HPSE2: variants seen among roughly 807,000 people sequenced by gnomAD.
HPSE2 encodes inactive heparanase-2.
A neutral mutation model predicts 60.5 loss-of-function variants in HPSE2; 38 were observed. The ratio of observed to expected loss-of-function variants is 0.63; its 90% CI spans 0.48 to 0.82. The LOEUF is 0.82. HPSE2 is among the 40% of genes least tolerant of loss of function. HPSE2 has a pLI of 0.00. For synonymous variants in HPSE2, 295 were observed against 293.2 expected, an observed-to-expected ratio of 1.01 and a Z score of -0.06; for missense variants, 713 against 740.4, an observed-to-expected ratio of 0.96 and a Z score of 0.43.
chr10:99,253,367 A>G, the HPSE2 span, among the ~76,000 whole-genome samples: 435 of 152,316 alleles, frequency 2.9e-3, 3 homozygotes, highest in African/African-American at 1.0e-2. Flanking sequence ...AAAGTTAACA[A>G]CAACAAAAAA....
intron 3 of HPSE2, among the ~76,000 whole-genome samples, chr10:99,071,197 G>A (rs1447006825): frequency 6.6e-6 from 1 of 151,342 alleles, no homozygotes; most frequent in Non-Finnish European, 1.5e-5. Context: ...AGCCTCCTGA[G>A]TATCTGGGAT....
intron 9 of HPSE2, among the ~76,000 whole-genome samples, chr10:98,610,083 C>T (rs536992601): frequency 6.6e-5 from 10 of 152,150 alleles, no homozygotes; most frequent in African/African-American, 1.7e-4. Context: ...CCTCGTGATC[C>T]GCCCGCCTTG....
At chr10:98,693,135 CT>C (rs1324039212) in intron 6 of HPSE2, among the ~76,000 whole-genome samples, 1 of 152,158 alleles carries the variant, frequency 6.6e-6, no homozygotes, top group African/African-American at 2.4e-5. Flanking sequence ...AAAGCACAGT[CT>C]GAGTTGAGAG....
intron 9 of HPSE2, among the ~76,000 whole-genome samples, chr10:98,594,537 G>A (rs1392916809): frequency 6.6e-6 from 1 of 151,932 alleles, no homozygotes; most frequent in Non-Finnish European, 1.5e-5. Flanking sequence ...TTCCATATAA[G>A]TGCCATCATG....
At chr10:99,078,789 C>G (rs1376266915) in intron 3 of HPSE2, among the ~76,000 whole-genome samples, 1 of 152,110 alleles carries the variant, frequency 6.6e-6, no homozygotes, top group African/African-American at 2.4e-5. Context: ...CATTAGAGAA[C>G]AGTTACCTTT....
At chr10:98,590,105 T>A (rs1467041323) in intron 9 of HPSE2, among the ~76,000 whole-genome samples, 2 of 152,088 alleles carry the variant, frequency 1.3e-5, no homozygotes, top group African/African-American at 4.8e-5. Flanking sequence ...AAAGAAGGGG[T>A]TTACTGCATG....
At chr10:98,671,289 C>T (rs1019853931) in intron 6 of HPSE2, among the ~76,000 whole-genome samples, 1 of 152,154 alleles carries the variant, frequency 6.6e-6, no homozygotes, top group African/African-American at 2.4e-5. Context: ...ATGGGGTCAC[C>T]TCATCTTCTT....
chr10:98,726,591 A>T (rs1949087498), intron 4 of HPSE2, among the ~76,000 whole-genome samples: 1 of 150,878 alleles, frequency 6.6e-6, no homozygotes, highest in South Asian at 2.1e-4. Context: ...CATATGTAAA[A>T]AACCTGCACG....
At chr10:98,581,743 T>C (rs946225089) in intron 9 of HPSE2, among the ~76,000 whole-genome samples, 1 of 152,204 alleles carries the variant, frequency 6.6e-6, no homozygotes, top group Non-Finnish European at 1.5e-5. Context: ...ATTATTGCCA[T>C]GTGCCAACAA....
the HPSE2 span, among the ~76,000 whole-genome samples, chr10:99,269,186 G>C: frequency 2.6e-5 from 4 of 151,756 alleles, no homozygotes; most frequent in African/African-American, 9.7e-5. Context: ...CACCAATCGA[G>C]TATCTGCTGT....
At chr10:98,465,849 T>C (rs1248597899) in intron 11 of HPSE2, among the ~76,000 whole-genome samples, 1 of 152,228 alleles carries the variant, frequency 6.6e-6, no homozygotes, top group African/African-American at 2.4e-5. Context: ...ATTATCCAAA[T>C]ATTAGGACAA....
At chr10:99,234,509 T>A (rs952230825) in intron 1 of HPSE2, among the ~76,000 whole-genome samples, 1 of 152,226 alleles carries the variant, frequency 6.6e-6, no homozygotes, top group Non-Finnish European at 1.5e-5. Context: ...AGGGAATTTT[T>A]AAAAACTCAA....
chr10:98,468,430 T>G (rs541120753), intron 11 of HPSE2, among the ~76,000 whole-genome samples: 1 of 152,130 alleles, frequency 6.6e-6, no homozygotes, highest in Non-Finnish European at 1.5e-5. Context: ...TTTTCTTCTA[T>G]GTGCTTTTTG....
At position 98,571,940 on chromosome 10, in the gene HPSE2, C is replaced by CTTTCTTTTTTTT. The variant is rs560289933; in HGVS notation, c.1320+42963_1320+42964insAAAAAAAAGAAA. ...AATTCAGAGCAAGAGAATTCCTTTT[C>CTTTCTTTTTTTT]TTTTTTTTTTTTTTTTGAGACGGAG... On this transcript the variant is annotated intron_variant, in intron 9 of 11. Coordinates refer to ENST00000370552, the MANE Select transcript of HPSE2 (RefSeq NM_021828.5). Among the ~76,000 whole-genome samples, 5 of 140,728 alleles carry CTTTCTTTTTTTT rather than the reference C, an allele frequency of 3.6e-5. 2 individuals carry two copies. The highest frequency in any genetic ancestry group is 3.1e-5 in the Non-Finnish European group (2 of 65,560). 92.3% of individuals were successfully genotyped at this position (140,728 alleles called of 152,430 possible).
rs533255031 is a variant in HPSE2 at position 99,067,138 on chromosome 10, G to A, written c.610+77100C>T. On this transcript the variant is annotated intron_variant, in intron 3 of 11. Transcript: ENST00000370552. ...TCTCACATACAGGTCATGCTGATTC[G>A]AGAGGTGGGCTCCCACAGCCTTGGG... Among the ~76,000 whole-genome samples, 30 of 152,264 alleles carry A rather than the reference G, an allele frequency of 2.0e-4. No homozygotes were observed. In the South Asian group the frequency reaches 5.0e-3, roughly 25 times the overall value.
intron 6 of HPSE2, among the ~76,000 whole-genome samples, chr10:98,676,152 C>T (rs527485488): frequency 2.6e-5 from 4 of 152,054 alleles, no homozygotes; most frequent in Non-Finnish European, 2.9e-5. Context: ...ACACATGCCC[C>T]GATATAATGT....
intron 3 of HPSE2, among the ~76,000 whole-genome samples, chr10:98,882,043 G>T (rs779057103): frequency 6.6e-6 from 1 of 152,054 alleles, no homozygotes; most frequent in Non-Finnish European, 1.5e-5. Context: ...AGCTAGCAGA[G>T]GTGACAGGCA....
chr10:99,132,197 G>A (rs1246030936), intron 3 of HPSE2, among the ~76,000 whole-genome samples: 168 of 16,010 alleles, frequency 0.01, 8 homozygotes, highest in Admixed American at 0.026. Flanking sequence ...AAGAAAGAGA[G>A]AGAGAGAGAG....
chr10:98,988,296 G>T (rs1266118704), intron 3 of HPSE2, among the ~76,000 whole-genome samples: 1 of 152,300 alleles, frequency 6.6e-6, no homozygotes, highest in South Asian at 2.1e-4. Flanking sequence ...CCAAAACAGA[G>T]ATATAGATCA....
Sources: gnomAD v4.1 joint callset for allele counts (sites outside exome capture counted in the v4.1 genomes callset) on GRCh38, gnomAD v4.1.1 for gene constraint, MANE v1.5 for transcripts, NCBI Gene and HGNC (gene_info 2026-07-23, HGNC 2026-07-21) for gene names.